SMARCA4: variants seen among roughly 807,000 people sequenced by gnomAD.
SMARCA4 encodes SWI/SNF-related matrix-associated actin-dependent regulator of chromatin subfamily A member 4.
A neutral mutation model predicts 193.9 loss-of-function variants in SMARCA4; 31 were observed. That is an observed-to-expected ratio of 0.16 (90% CI 0.12 to 0.22). The LOEUF is 0.22. Ranked by LOEUF, SMARCA4 falls within the 10% of genes least tolerant of loss-of-function variation. The probability of loss-of-function intolerance (pLI) is 1.00; values close to 1 mark genes in which losing one functional copy is unlikely to be tolerated. For synonymous variants in SMARCA4, 942 were observed against 933.1 expected (o/e 1.01, Z -0.17); for missense variants, 1,148 against 2,296.0 (o/e 0.50, Z 10.22).
intron 29 of SMARCA4, chr19:11,040,949 A>T (rs1031741216): frequency 3.7e-5 from 8 of 216,766 alleles, no homozygotes; most frequent in Non-Finnish European, 5.5e-5. Context: ...AAAGAAATAG[A>T]TGGGGAGAGT....
intron 18 of SMARCA4, 119 bp from the exon 19 acceptor site, chr19:11,021,606 C>A: frequency 7.7e-7 from 1 of 1,304,074 alleles, no homozygotes; most frequent in Non-Finnish European, 1.1e-6. Flanking sequence ...GTGCTCTCCA[C>A]CCAGCTGCGC....
At chr19:10,989,542 G>A (rs1028590367) in intron 7 of SMARCA4, 99 bp downstream of exon 7, 24 of 1,418,994 alleles carry the variant, frequency 1.7e-5, no homozygotes, top group Non-Finnish European at 2.4e-5. Context: ...TATTACACCT[G>A]CCTGGGCTGT....
At chr19:11,025,654 C>T (rs893876374) in intron 22 of SMARCA4, 146 bp downstream of exon 22, 52 of 686,600 alleles carry the variant, frequency 7.6e-5, no homozygotes, top group Non-Finnish European at 1.2e-4. Context: ...ATTTGGTCTT[C>T]GCTTCACCAG....
At chr19:11,032,705 C>G (rs1356930189) in intron 25 of SMARCA4, 2 of 158,578 alleles carry the variant, frequency 1.3e-5, no homozygotes, top group Non-Finnish European at 2.8e-5. Context: ...TCCACGGCAC[C>G]TGCATTGTTG....
intron 16 of SMARCA4, among the ~76,000 whole-genome samples, chr19:11,018,128 G>A (rs1207164046): frequency 6.6e-6 from 1 of 152,208 alleles, no homozygotes; most frequent in Non-Finnish European, 1.5e-5. Flanking sequence ...TCGTGGAGCT[G>A]CTTGGGGGCA....
chr19:11,037,734 C>A (rs2075351017), intron 29 of SMARCA4, among the ~76,000 whole-genome samples: 1 of 151,772 alleles, frequency 6.6e-6, no homozygotes, highest in South Asian at 2.1e-4. Context: ...CCTGTCTTTT[C>A]TCCTAGGAGG....
At chr19:11,001,544 A>G (rs1340577727) in intron 11 of SMARCA4, among the ~76,000 whole-genome samples, 1 of 152,200 alleles carries the variant, frequency 6.6e-6, no homozygotes, top group Non-Finnish European at 1.5e-5. Flanking sequence ...TAGGGGAGGC[A>G]TGCAGCAATC....
At chr19:11,046,657 G>A (rs780727046) in intron 30 of SMARCA4, among the ~76,000 whole-genome samples, 30 of 152,138 alleles carry the variant, frequency 2.0e-4, no homozygotes, top group Middle Eastern at 3.2e-3. Flanking sequence ...AAAGATAGTC[G>A]TTGAAAAGCT....
chr19:11,060,174 A>G lies in SMARCA4; in HGVS notation c.4898A>G (p.Glu1633Gly), dbSNP rs1437896707. The G allele has an allele frequency of 6.4e-7, 1 of 1,551,058 alleles. No individual in the cohort carries two copies. Among genetic ancestry groups the G allele is most frequent in the Admixed American group, 2.0e-5 (1 of 50,998 alleles). The change falls in exon 34 of 35, where the codon GAG (glutamate) becomes GGG (glycine). Residue 1633 changes from glutamate to glycine, a missense_variant. Transcript: ENST00000344626. ...GTCGTGAGTGACGATGACAGTGAGG[A>G]GGAACAAGAGGAGGTGAGGCCGGGC... is the stretch of plus-strand genomic sequence containing the variant. ...KPVVSDDDSE[E>G]EQEEDRSGSG...
rs771530074 is a variant in SMARCA4, at chr19:11,019,065, T to C, written c.2505+42T>C. The C allele has an allele frequency of 2.7e-6, 4 of 1,494,302 alleles. No homozygotes were observed. In the Admixed American group the frequency reaches 6.7e-5, roughly 25 times the overall value. 92.6% of individuals were successfully genotyped at this position (1,494,302 alleles called of 1,614,324 possible). ...GAGGTTTCCTCTCTTGCTACGGAGG[T>C]GCAGGCGGTGGTGGGCAGGACGTCC... On this transcript the variant is annotated intron_variant, in intron 17 of 34. Coordinates refer to ENST00000344626, the MANE Select transcript of SMARCA4 (RefSeq NM_003072.5). The surrounding 1 kb of genome is among the most constrained non-coding windows in gnomAD (Gnocchi z 6.1).
chr19:11,060,132 G>A lies in SMARCA4; in HGVS notation c.4856G>A (p.Gly1619Glu). ...LKGGRRRPSR[G>E]SRAKPVVSDD... ...GGCGGCCGGCGGCGGCCGAGCCGAGGGTCCCGAGCCAAGCCGGTCGTGAGT... is the reference window on the plus strand; with the variant it reads ...GGCGGCCGGCGGCGGCCGAGCCGAGAGTCCCGAGCCAAGCCGGTCGTGAGT... Residue 1619 changes from glycine to glutamate, a missense_variant, in exon 34 of 35, where the codon GGG becomes GAG. Transcript: ENST00000344626. The A allele has an allele frequency of 6.4e-7, 1 of 1,551,198 alleles. No homozygotes were observed.
intron 9 of SMARCA4, 27 bp downstream of exon 9, chr19:10,995,028 C>T (rs2145944485): frequency 1.3e-6 from 2 of 1,586,470 alleles, no homozygotes; most frequent in Non-Finnish European, 1.7e-6. Context: ...TTGACGTGCG[C>T]TCTTCTACAT....
intron 16 of SMARCA4, 80 bp downstream of exon 16, chr19:11,013,192 T>C (rs890102827): frequency 6.7e-7 from 1 of 1,491,232 alleles, no homozygotes; most frequent in South Asian, 1.2e-5. Context: ...CGCAGTAGAA[T>C]ACCACAAACG....
At chr19:10,989,088 G>T (rs1392696515) in intron 6 of SMARCA4, among the ~76,000 whole-genome samples, 9 of 152,208 alleles carry the variant, frequency 5.9e-5, no homozygotes, top group Non-Finnish European at 1.0e-4. Flanking sequence ...CATGACCTGG[G>T]CGCGTCTATC....
intron 7 of SMARCA4, 47 bp from the exon 8 acceptor site, chr19:10,991,103 G>A (rs2086518852): frequency 5.6e-6 from 9 of 1,609,412 alleles, no homozygotes; most frequent in South Asian, 1.1e-5. Context: ...CATTGTGGAT[G>A]CCACAGAGCT....
intron 10 of SMARCA4, 26 bp downstream of exon 10, chr19:10,996,406 G>A (rs1487683058): frequency 3.7e-6 from 6 of 1,613,730 alleles, no homozygotes; most frequent in East Asian, 2.2e-5. Flanking sequence ...CATGGTGCCC[G>A]CCGCGGGTGG....
At position 11,061,733 on chromosome 19, in the gene SMARCA4, G is replaced by A. The variant is rs556572820; in HGVS notation, c.4912-51G>A. On this transcript the variant is annotated intron_variant, in intron 34 of 34. Transcript: ENST00000344626. Reference sequence around the variant, plus strand: ...AAGTTTGGCAGGTCCCTGGCAAGGTGCCCTGGCAGGGGTGGCCAACGCACA... The same window carrying A: ...AAGTTTGGCAGGTCCCTGGCAAGGTACCCTGGCAGGGGTGGCCAACGCACA... The A allele has an allele frequency of 4.4e-6, 7 of 1,577,448 alleles. No individual in the cohort carries two copies. The Admixed American group carries it at 1.0e-4, about 23-fold the overall frequency.
At chr19:10,995,201 T>C in intron 9 of SMARCA4, 200 bp downstream of exon 9, 2 of 688,564 alleles carry the variant, frequency 2.9e-6, no homozygotes, top group Non-Finnish European at 5.3e-6. Flanking sequence ...TCAGAATGAC[T>C]GTGTGACCTC....
In SMARCA4 at chr19:11,030,652, A is replaced by T. The variant is rs1568503462; in HGVS notation, c.3383-78A>T. 1.8e-5 allele frequency: 24 copies of T among 1,343,920 alleles called. No homozygotes were observed. The South Asian group carries it at 2.7e-4, about 15-fold the overall frequency. The allele number at this position is 1,343,920 out of a possible 1,614,324, so 83.2% of individuals were successfully genotyped here. A position where few individuals can be genotyped will look rare whatever the true frequency, so the allele number is the denominator to read the frequency against. On this transcript the variant is annotated intron_variant, in intron 24 of 34. Coordinates refer to ENST00000344626, the MANE Select transcript of SMARCA4 (RefSeq NM_003072.5). The surrounding 1 kb of genome is among the most constrained non-coding windows in gnomAD (Gnocchi z 5.5). ...AGGTGCTGATCCTGCTCCTGCTCTC[A>T]GAAGCAGGTGTTCCTTGGTGTCCCC...
Sources: gnomAD v4.1 joint callset for allele counts (sites outside exome capture counted in the v4.1 genomes callset) on GRCh38, gnomAD v4.1.1 for gene constraint, Gnocchi (gnomAD v3.1) non-coding constraint, MANE v1.5 for transcripts, NCBI Gene and HGNC (gene_info 2026-07-23, HGNC 2026-07-21) for gene names.